KIF1B: variants seen among roughly 807,000 people sequenced by gnomAD.
The protein encoded by KIF1B is kinesin-like protein KIF1B.
Under a neutral mutation model 241.9 loss-of-function variants are expected in KIF1B, and 76 were observed. The ratio of observed to expected loss-of-function variants is 0.31; its 90% CI spans 0.26 to 0.38. The LOEUF (loss-of-function observed/expected upper bound fraction) is 0.38, where lower values mean the gene tolerates loss of function less well. Among genes scored for constraint, KIF1B ranks in the 10% least tolerant of loss-of-function variants. The pLI is 1.00. For synonymous variants in KIF1B, 750 were observed against 796.7 expected, an observed-to-expected ratio of 0.94 and a Z score of 0.99; for missense variants, 1,622 against 2,271.4, an observed-to-expected ratio of 0.71 and a Z score of 5.81.
chr1:10,269,523 A>G (rs1422300436), intron 7 of KIF1B, among the ~76,000 whole-genome samples: 1 of 151,174 alleles, frequency 6.6e-6, no homozygotes, highest in African/African-American at 2.4e-5. Context: ...TCAAAAAAAA[A>G]AAAAAACACA....
rs1425932195 is a variant in KIF1B at position 10,287,201 on chromosome 1, G to C, written c.1435-3881G>C. Among the ~76,000 whole-genome samples, 5 of 152,286 alleles carry C rather than the reference G, an allele frequency of 3.3e-5. No homozygotes were observed. The Middle Eastern group carries it at 0.014, about 414-fold the overall frequency. On this transcript the variant is annotated intron_variant, in intron 15 of 48. Coordinates refer to ENST00000676179, the MANE Select transcript of KIF1B (RefSeq NM_001365951.3). ...TGAGTCAGCAAATAGCTCTAGACCT[G>C]TCTCAGTGAGTAGTGTGGGCTCACT...
In KIF1B at chr1:10,296,911, A is replaced by G. The variant is rs1391371944; in HGVS notation, c.1876A>G (p.Met626Val). The G allele has an allele frequency of 1.9e-6, 3 of 1,613,938 alleles. No homozygotes were observed. Among genetic ancestry groups the G allele is most frequent in the Admixed American group, 3.3e-5 (2 of 59,994 alleles). ...TTTTGTGCTAGGAAACCGTATCATCATGGGTAAAAACCATGTTTTCCGCTT... is the reference window on the plus strand; with the variant it reads ...TTTTGTGCTAGGAAACCGTATCATCGTGGGTAAAAACCATGTTTTCCGCTT... ...VQLRSGNRII[M>V]GKNHVFRFNH... is the part of the protein sequence containing the mutation. The change falls in exon 21 of 49, where the codon ATG (methionine) becomes GTG (valine). Residue 626 changes from methionine to valine, a missense_variant. Physicochemically the swap from Met to Val is conservative, Grantham distance 21. Around this residue, in one of 7 missense-constraint regions of KIF1B, gnomAD observed 803 missense variants for 1,112.0 expected, o/e 0.72. Transcript: ENST00000676179.
intron 1 of KIF1B, among the ~76,000 whole-genome samples, chr1:10,216,661 C>T (rs2027332): frequency 0.26 from 39,504 of 151,784 alleles, 5,404 homozygotes; most frequent in Admixed American, 0.32. Flanking sequence ...GCTTAGCTCC[C>T]TCCCCATTTC....
chr1:10,304,254 A>G (rs1361513269), intron 22 of KIF1B: 1 of 1,614,240 alleles, frequency 6.2e-7, no homozygotes, highest in Non-Finnish European at 8.5e-7. Flanking sequence ...GGGGCTCTCA[A>G]GGAATGAGAA....
intron 33 of KIF1B, 25 bp from the exon 34 acceptor site, chr1:10,343,207 G>C: frequency 6.2e-7 from 1 of 1,613,410 alleles, no homozygotes; most frequent in Non-Finnish European, 8.5e-7. Context: ...TTATAGTCTT[G>C]ATCTTTGTCT....
At chr1:10,257,760 A>G (rs777999766) in intron 3 of KIF1B, among the ~76,000 whole-genome samples, 2 of 151,760 alleles carry the variant, frequency 1.3e-5, no homozygotes, top group East Asian at 1.9e-4. Context: ...ACTGCAACCT[A>G]CACCTCCTGG....
intron 15 of KIF1B, among the ~76,000 whole-genome samples, 154 bp downstream of exon 15, chr1:10,282,687 A>G (rs1282963707): frequency 2.6e-5 from 4 of 152,076 alleles, no homozygotes; most frequent in African/African-American, 9.7e-5. Flanking sequence ...TTGTAAGTTA[A>G]TTTCTTTTCA....
intron 43 of KIF1B, among the ~76,000 whole-genome samples, chr1:10,366,418 C>T (rs890964496): frequency 1.3e-5 from 2 of 151,474 alleles, no homozygotes; most frequent in African/African-American, 2.4e-5. Context: ...GCAGTGTCGA[C>T]ACCTGCGTGA....
chr1:10,303,021 T>A lies in KIF1B; in HGVS notation c.2115+5775T>A, dbSNP rs971860068. 2.1e-6 allele frequency: 2 copies of A among 965,086 alleles called. No homozygotes were observed. Among genetic ancestry groups the A allele is most frequent in the Admixed American group, 2.9e-5 (1 of 34,076 alleles). The allele number at this position is 965,086 out of a possible 1,614,324, so 59.8% of individuals were successfully genotyped here. A position where few individuals can be genotyped will look rare whatever the true frequency, so the allele number is the denominator to read the frequency against. The stretch of plus-strand genomic sequence containing the variant: ...ATTATTGAGGGGTTTTTTTTGGTTT[T>A]GTTTTGTTTTTTAGTTTTTTTGGTC... On this transcript the variant is annotated intron_variant, in intron 22 of 48. Transcript: ENST00000676179. The surrounding 1 kb of genome is among the most constrained non-coding windows in gnomAD (Gnocchi z 5.2).
intron 35 of KIF1B, among the ~76,000 whole-genome samples, chr1:10,346,801 C>T (rs1652607027): frequency 6.6e-6 from 1 of 152,152 alleles, no homozygotes; most frequent in Non-Finnish European, 1.5e-5. Flanking sequence ...TTTCCTAGAC[C>T]AGGGTTTCTC....
intron 2 of KIF1B, among the ~76,000 whole-genome samples, chr1:10,251,985 T>C (rs1422335794): frequency 6.6e-6 from 1 of 152,136 alleles, no homozygotes; most frequent in African/African-American, 2.4e-5. Flanking sequence ...GTGTGGTCAT[T>C]CATCTTTTAG....
chr1:10,304,779 T>C, intron 22 of KIF1B: 1 of 1,527,404 alleles, frequency 6.5e-7, no homozygotes, highest in Non-Finnish European at 8.8e-7. Context: ...TTTATATTGT[T>C]AAGACAAAAC....
chr1:10,256,530 A>G (rs1384609456), intron 3 of KIF1B, among the ~76,000 whole-genome samples: 1 of 152,120 alleles, frequency 6.6e-6, no homozygotes, highest in African/African-American at 2.4e-5. Flanking sequence ...ATACATAAAT[A>G]TATACACATA....
intron 28 of KIF1B, 27 bp downstream of exon 28, chr1:10,334,665 G>A (rs757432440): frequency 6.5e-7 from 1 of 1,545,020 alleles, no homozygotes; most frequent in Non-Finnish European, 8.9e-7. Context: ...TGAAATGAGA[G>A]CTGTGAGTTC....
At chr1:10,228,405 C>T (rs12133617) in intron 1 of KIF1B, among the ~76,000 whole-genome samples, 83,195 of 151,842 alleles carry the variant, frequency 0.55, 23,831 homozygotes, top group African/African-American at 0.72. Flanking sequence ...ATATATTTGA[C>T]TTTTAAAAAT....
At chr1:10,302,829 T>C (rs1650607767) in intron 22 of KIF1B, among the ~76,000 whole-genome samples, 1 of 152,186 alleles carries the variant, frequency 6.6e-6, no homozygotes, top group South Asian at 2.1e-4. Context: ...TAATTTTGTA[T>C]GACCATAGGG....
At chr1:10,291,232 G>T in intron 16 of KIF1B, 71 bp downstream of exon 16, 2 of 1,076,258 alleles carry the variant, frequency 1.9e-6, no homozygotes, top group Non-Finnish European at 2.8e-6. Flanking sequence ...CGTAAGAAAA[G>T]ATAAAATATA....
intron 2 of KIF1B, among the ~76,000 whole-genome samples, chr1:10,252,769 G>A (rs1159172579): frequency 2.0e-5 from 3 of 151,852 alleles, no homozygotes; most frequent in African/African-American, 7.3e-5. Context: ...ACCCAGGCTG[G>A]AGTACAGTGG....
chr1:10,275,261 C>A (rs188736308), intron 10 of KIF1B, among the ~76,000 whole-genome samples, 167 bp from the exon 11 acceptor site: 1 of 152,068 alleles, frequency 6.6e-6, no homozygotes, highest in African/African-American at 2.4e-5. Context: ...TACCTTGTTG[C>A]GTGAGTTTTT....
Sources: gnomAD v4.1 joint callset for allele counts (sites outside exome capture counted in the v4.1 genomes callset) on GRCh38, gnomAD v4.1.1 for gene constraint, gnomAD v4.1.1 regional missense constraint, Gnocchi (gnomAD v3.1) non-coding constraint, MANE v1.5 for transcripts, NCBI Gene and HGNC (gene_info 2026-07-23, HGNC 2026-07-21) for gene names.